Variants in PTPRM observed in about 807,000 individuals in gnomAD.
PTPRM encodes protein tyrosine phosphatase receptor type M.
Under a neutral mutation model 186.7 loss-of-function variants are expected in PTPRM, and 47 were observed. The observed-to-expected ratio is 0.25, with a 90% CI of 0.20 to 0.32. The LOEUF is 0.32. Ranked by LOEUF, PTPRM falls within the 10% of genes least tolerant of loss-of-function variation. The probability of loss-of-function intolerance (pLI) is 1.00; values close to 1 mark genes in which losing one functional copy is unlikely to be tolerated. For synonymous variants in PTPRM, 668 were observed against 674.9 expected (o/e 0.99, Z 0.16); for missense variants, 1,494 against 1,865.0 (o/e 0.80, Z 3.66).
chr18:7,955,500 G>C, intron 7 of PTPRM, 86 bp downstream of exon 7: 1 of 1,440,882 alleles, frequency 6.9e-7, no homozygotes, highest in South Asian at 1.3e-5. Flanking sequence ...TGCCTAGCAC[G>C]CTTCCCCTAG....
At position 7,842,947 on chromosome 18, in the gene PTPRM, T is replaced by TATAGAGAGAGAGAGAG. The variant is rs370746043; in HGVS notation, c.197-45158_197-45157insTAGAGAGAGAGAGAGA. Among the ~76,000 whole-genome samples the TATAGAGAGAGAGAGAG allele has an allele frequency of 2.2e-4, 25 of 112,118 alleles. No individual in the cohort carries two copies. In the East Asian group the frequency reaches 4.7e-3, roughly 21 times the overall value. 73.6% of individuals were successfully genotyped at this position (112,118 alleles called of 152,430 possible). ...GTGTGTGTGTATATATATATATATA[T>TATAGAGAGAGAGAGAG]AGAGAGAGAGAGAGAGAGAGAGAGA... On this transcript the variant is annotated intron_variant, in intron 2 of 32. Coordinates refer to ENST00000580170, the MANE Select transcript of PTPRM (RefSeq NM_001105244.2).
intron 6 of PTPRM, among the ~76,000 whole-genome samples, chr18:7,954,076 G>A (rs1039905702): frequency 6.6e-6 from 1 of 152,100 alleles, no homozygotes; most frequent in Admixed American, 6.5e-5. Context: ...TATCATGTGT[G>A]GTATCACCCA....
intron 5 of PTPRM, among the ~76,000 whole-genome samples, chr18:7,942,643 T>TG (rs1014248984): frequency 1.7e-5 from 2 of 115,840 alleles, no homozygotes; most frequent in African/African-American, 6.4e-5. Flanking sequence ...TCCTGCTTGG[T>TG]GGGGGGGCGG....
intron 19 of PTPRM, among the ~76,000 whole-genome samples, chr18:8,295,922 C>A (rs1361919837): frequency 6.6e-6 from 1 of 152,158 alleles, no homozygotes; most frequent in Non-Finnish European, 1.5e-5. Flanking sequence ...CTCAGCTTAC[C>A]TACTCTCATG....
chr18:7,853,241 C>A (rs2046950138), intron 2 of PTPRM, among the ~76,000 whole-genome samples: 1 of 152,210 alleles, frequency 6.6e-6, no homozygotes, highest in African/African-American at 2.4e-5. Flanking sequence ...CATGTCATTT[C>A]TTTCCACAAT....
chr18:7,745,471 G>A (rs2040967191), intron 1 of PTPRM, among the ~76,000 whole-genome samples: 1 of 152,168 alleles, frequency 6.6e-6, no homozygotes, highest in Non-Finnish European at 1.5e-5. Context: ...CTCTGGGAGA[G>A]GCAACTAAAT....
intron 14 of PTPRM, among the ~76,000 whole-genome samples, chr18:8,211,179 A>C (rs562281865): frequency 1.1e-4 from 17 of 152,230 alleles, no homozygotes; most frequent in African/African-American, 4.1e-4. Flanking sequence ...TGGGATACCA[A>C]CTGGAGGAAT....
At chr18:7,734,250 T>C (rs1309109361) in intron 1 of PTPRM, among the ~76,000 whole-genome samples, 1 of 152,068 alleles carries the variant, frequency 6.6e-6, no homozygotes, top group Non-Finnish European at 1.5e-5. Flanking sequence ...TCAGGGGCAG[T>C]GGAGTGTGGA....
intron 7 of PTPRM, among the ~76,000 whole-genome samples, chr18:8,041,219 T>C (rs895188319): frequency 6.6e-6 from 1 of 152,216 alleles, no homozygotes; most frequent in Non-Finnish European, 1.5e-5. Flanking sequence ...ATTGATACCA[T>C]GGTTTATCAT....
chr18:7,884,816 CAGG>C (rs2048689785), intron 2 of PTPRM, among the ~76,000 whole-genome samples: 1 of 147,952 alleles, frequency 6.8e-6, no homozygotes, highest in Non-Finnish European at 1.5e-5. Flanking sequence ...CCCAGCTACT[CAGG>C]AGGCTGAGGC....
At chr18:8,392,305 T>C (rs562446752) in intron 31 of PTPRM, among the ~76,000 whole-genome samples, 1 of 152,172 alleles carries the variant, frequency 6.6e-6, no homozygotes, top group South Asian at 2.1e-4. Flanking sequence ...GTATGATAGT[T>C]ATACTGTGTA....
chr18:7,689,254 T>C (rs777675229), intron 1 of PTPRM, among the ~76,000 whole-genome samples: 2 of 152,178 alleles, frequency 1.3e-5, no homozygotes, highest in Non-Finnish European at 2.9e-5. Flanking sequence ...GCAGAGAAGA[T>C]AAGTTAAAGA....
intron 13 of PTPRM, among the ~76,000 whole-genome samples, chr18:8,120,350 T>G (rs186760004): frequency 1.0e-3 from 156 of 152,288 alleles, no homozygotes; most frequent in African/African-American, 3.5e-3. Context: ...AGACTTAGCT[T>G]CTGATTATAG....
intron 2 of PTPRM, among the ~76,000 whole-genome samples, chr18:7,812,980 C>G (rs1388438003): frequency 1.3e-5 from 2 of 152,194 alleles, no homozygotes; most frequent in Non-Finnish European, 1.5e-5. Context: ...CTTCTTTGTG[C>G]TATTCATGTG....
At chr18:7,890,829 AT>A (rs1261725018) in intron 3 of PTPRM, among the ~76,000 whole-genome samples, 2 of 152,220 alleles carry the variant, frequency 1.3e-5, no homozygotes, top group East Asian at 3.9e-4. Flanking sequence ...TTTTGCAGCC[AT>A]TAAGAATAAT....
In PTPRM at chr18:7,774,260, G is replaced by T; in HGVS notation, c.185G>T (p.Trp62Leu). The change falls in exon 2 of 33, where the codon TGG (tryptophan) becomes TTG (leucine). Residue 62 changes from tryptophan to leucine, a missense_variant. Transcript: ENST00000580170. Reference protein sequence around the residue: ...NTLTKPTSDPWMPSGSFMLVN... With the variant: ...NTLTKPTSDPLMPSGSFMLVN... ...TTGACTAAACCGACTTCTGATCCAT[G>T]GATGCCATCAGGTTTGCTTTTAGTT... 6.2e-7 allele frequency: 1 copy of T among 1,613,924 alleles called. No homozygotes were observed. The highest frequency in any genetic ancestry group is 1.1e-5 in the South Asian group (1 of 91,040).
chr18:7,733,312 C>T (rs371978957), intron 1 of PTPRM, among the ~76,000 whole-genome samples: 1 of 152,156 alleles, frequency 6.6e-6, no homozygotes, highest in African/African-American at 2.4e-5. Flanking sequence ...TGTTCAGCTC[C>T]CACTTATAAA....
chr18:8,130,521 A>C (rs2145930405), intron 13 of PTPRM, among the ~76,000 whole-genome samples: 1 of 152,326 alleles, frequency 6.6e-6, no homozygotes, highest in South Asian at 2.1e-4. Context: ...TAAAAGAAAG[A>C]TCGACAGTCT....
chr18:7,666,852 G>A (rs1374749388), intron 1 of PTPRM, among the ~76,000 whole-genome samples: 1 of 152,184 alleles, frequency 6.6e-6, no homozygotes, highest in Non-Finnish European at 1.5e-5. Flanking sequence ...GAGAACTAGG[G>A]ATTTGGCAGG....
Sources: gnomAD v4.1 joint callset for allele counts (sites outside exome capture counted in the v4.1 genomes callset) on GRCh38, gnomAD v4.1.1 for gene constraint, MANE v1.5 for transcripts, NCBI Gene and HGNC (gene_info 2026-07-23, HGNC 2026-07-21) for gene names.